The following MAN1C1 variants were observed in gnomAD, a reference collection of about 807,000 sequenced individuals.
MAN1C1 encodes the protein mannosidase alpha class 1C member 1.
In MAN1C1, 49 loss-of-function variants were observed where a neutral mutation model predicts 71.5. The observed-to-expected ratio is 0.69, with a 90% CI of 0.54 to 0.87. The LOEUF is 0.87. Among genes scored for constraint, MAN1C1 ranks in the 40% least tolerant of loss-of-function variants. The pLI is 0.00. For synonymous variants in MAN1C1, 352 were observed against 343.7 expected, an observed-to-expected ratio of 1.02 and a Z score of -0.27; for missense variants, 743 against 835.0, an observed-to-expected ratio of 0.89 and a Z score of 1.36.
intron 1 of MAN1C1, among the ~76,000 whole-genome samples, chr1:25,670,109 G>A (rs767381666): frequency 6.6e-6 from 1 of 152,228 alleles, no homozygotes; most frequent in Non-Finnish European, 1.5e-5. Flanking sequence ...CCCTCCTGGA[G>A]CCTTTGTTCT....
chr1:25,645,634 C>T (rs2045602121), intron 1 of MAN1C1: 1 of 152,262 alleles, frequency 6.6e-6, no homozygotes, highest in African/African-American at 2.4e-5. Context: ...CAGTTTCTGC[C>T]TGGAATCCTC....
Position 25,722,913 on chromosome 1 carries a change from G to C in MAN1C1, c.638-23755G>C, listed in dbSNP as rs187231020. Among the ~76,000 whole-genome samples the C allele has an allele frequency of 1.0e-3, 156 of 152,318 alleles. 1 individual carries two copies. Among genetic ancestry groups the C allele is most frequent in the African/African-American group, 3.4e-3 (142 of 41,558 alleles). On this transcript the variant is annotated intron_variant, in intron 2 of 11. Coordinates refer to ENST00000374332, the MANE Select transcript of MAN1C1 (RefSeq NM_020379.4). Reference sequence around the variant, plus strand: ...TCTAGAGCTAGTCTGGTTCTGCATAGAAAATGTTTTCATTCTCCTACCTAG... The same window carrying C: ...TCTAGAGCTAGTCTGGTTCTGCATACAAAATGTTTTCATTCTCCTACCTAG...
chr1:25,668,746 G>A (rs2045957122), intron 1 of MAN1C1, among the ~76,000 whole-genome samples: 1 of 151,942 alleles, frequency 6.6e-6, no homozygotes, highest in Admixed American at 6.6e-5. Context: ...TTTTAGTAGA[G>A]ACGGGGTTTC....
intron 2 of MAN1C1, among the ~76,000 whole-genome samples, chr1:25,690,111 G>A (rs773630814): frequency 2.2e-4 from 34 of 152,062 alleles, no homozygotes; most frequent in Admixed American, 5.9e-4. Context: ...TGGGTGAGGC[G>A]TCTCTGAAGC....
At chr1:25,620,558 C>G (rs2045191701) in intron 1 of MAN1C1, among the ~76,000 whole-genome samples, 1 of 152,168 alleles carries the variant, frequency 6.6e-6, no homozygotes, top group Non-Finnish European at 1.5e-5. Flanking sequence ...CATTTAAATT[C>G]TATCTGCGTC....
At chr1:25,649,986 C>T (rs758705286) in intron 1 of MAN1C1, among the ~76,000 whole-genome samples, 4 of 152,122 alleles carry the variant, frequency 2.6e-5, no homozygotes, top group Non-Finnish European at 5.9e-5. Flanking sequence ...TCCATCTTGT[C>T]TGTGGTTGTA....
chr1:25,770,265 C>T (rs530571114), intron 7 of MAN1C1, among the ~76,000 whole-genome samples: 1 of 152,352 alleles, frequency 6.6e-6, no homozygotes, highest in Admixed American at 6.5e-5. Flanking sequence ...TTCATCTTGT[C>T]TGTTCCAATT....
chr1:25,766,969 C>A (rs370117044), intron 7 of MAN1C1, among the ~76,000 whole-genome samples: 11 of 152,088 alleles, frequency 7.2e-5, no homozygotes, highest in African/African-American at 2.4e-4. Flanking sequence ...AGCAGCAGAG[C>A]CTGCCTCTGC....
rs187704027 is a variant in MAN1C1 at position 25,720,299 on chromosome 1, C to T, written c.638-26369C>T. On this transcript the variant is annotated intron_variant, in intron 2 of 11. Transcript: ENST00000374332. ...CAATCTCGGCTCACTGCAACCTCCACCTCCCGAGTTCAAGTGATTCTCCTG... is the reference window on the plus strand; with the variant it reads ...CAATCTCGGCTCACTGCAACCTCCATCTCCCGAGTTCAAGTGATTCTCCTG... Among the ~76,000 whole-genome samples, 748 of 151,918 alleles carry T rather than the reference C, an allele frequency of 4.9e-3. 9 individuals are homozygous for T. The highest frequency in any genetic ancestry group is 0.017 in the Middle Eastern group (5 of 294).
chr1:25,737,762 G>C (rs747138789), intron 2 of MAN1C1, among the ~76,000 whole-genome samples: 12 of 152,136 alleles, frequency 7.9e-5, no homozygotes, highest in Non-Finnish European at 1.6e-4. Flanking sequence ...AACGTCTTGG[G>C]AAAAGGCTGA....
chr1:25,755,199 C>T (rs1162782090), intron 5 of MAN1C1, among the ~76,000 whole-genome samples: 2 of 152,152 alleles, frequency 1.3e-5, no homozygotes, highest in South Asian at 2.1e-4. Flanking sequence ...GTGTGAGCTG[C>T]ACCTCCTCAC....
At chr1:25,758,076 G>A (rs542326575) in intron 5 of MAN1C1, among the ~76,000 whole-genome samples, 22 of 152,364 alleles carry the variant, frequency 1.4e-4, no homozygotes, top group African/African-American at 5.3e-4. Flanking sequence ...TCCTTGGGCA[G>A]CACTGACAGT....
chr1:25,639,789 T>C (rs2045513484), intron 1 of MAN1C1, among the ~76,000 whole-genome samples: 1 of 152,216 alleles, frequency 6.6e-6, no homozygotes, highest in Non-Finnish European at 1.5e-5. Flanking sequence ...TAATTTTGTG[T>C]TGAAACTATG....
chr1:25,752,232 C>T (rs1304807100), intron 4 of MAN1C1, among the ~76,000 whole-genome samples: 3 of 152,128 alleles, frequency 2.0e-5, no homozygotes, highest in Admixed American at 6.5e-5. Context: ...CCACAAAGAC[C>T]CCTGCAGCAG....
At chr1:25,734,001 G>T (rs150378331) in intron 2 of MAN1C1, among the ~76,000 whole-genome samples, 1 of 151,766 alleles carries the variant, frequency 6.6e-6, no homozygotes, top group Non-Finnish European at 1.5e-5. Context: ...GGGTTTCACC[G>T]TGTTAGCCAG....
chr1:25,733,462 C>T (rs780996126), intron 2 of MAN1C1, among the ~76,000 whole-genome samples: 5 of 152,174 alleles, frequency 3.3e-5, no homozygotes, highest in African/African-American at 4.8e-5. Context: ...TTCTGCCCGC[C>T]GTGCCCTTGG....
intron 1 of MAN1C1, among the ~76,000 whole-genome samples, chr1:25,668,286 ACTTTCCTTCACGGTG>A: frequency 6.7e-6 from 1 of 149,874 alleles, no homozygotes; most frequent in Non-Finnish European, 1.5e-5. Flanking sequence ...ACCTTGCTTG[ACTTTCCTTCACGGTG>A]CTTGTCACCA....
At chr1:25,738,939 A>C (rs1015951316) in intron 2 of MAN1C1, among the ~76,000 whole-genome samples, 1 of 152,084 alleles carries the variant, frequency 6.6e-6, no homozygotes, top group African/African-American at 2.4e-5. Context: ...AGATGGGAGG[A>C]TCGCTTGAGG....
chr1:25,671,958 T>C (rs2045998864), intron 1 of MAN1C1, among the ~76,000 whole-genome samples: 2 of 152,088 alleles, frequency 1.3e-5, no homozygotes, highest in South Asian at 4.1e-4. Context: ...CTCACATGAT[T>C]ATGGAGGCTG....
Sources: gnomAD v4.1 joint callset for allele counts (sites outside exome capture counted in the v4.1 genomes callset) on GRCh38, gnomAD v4.1.1 for gene constraint, MANE v1.5 for transcripts, NCBI Gene and HGNC (gene_info 2026-07-23, HGNC 2026-07-21) for gene names.